Variants in ZHX1 observed in about 807,000 individuals in gnomAD.
ZHX1 encodes zinc fingers and homeoboxes protein 1.
Under a neutral mutation model 61.8 loss-of-function variants are expected in ZHX1, and 20 were observed. That is an observed-to-expected ratio of 0.32 (90% confidence interval 0.23 to 0.47). The LOEUF is 0.47. ZHX1 is among the 20% of genes least tolerant of loss of function. The probability of loss-of-function intolerance (pLI) is 1.00; values close to 1 mark genes in which losing one functional copy is unlikely to be tolerated. For missense variants in ZHX1, 800 were observed against 1,034.8 expected (o/e 0.77, Z 3.11); for synonymous variants, 318 against 352.6 (o/e 0.90, Z 1.10).
Position 123,255,631 on chromosome 8 carries a change from C to G in ZHX1, c.316G>C (p.Glu106Gln), listed in dbSNP as rs376750048. 2.5e-6 allele frequency: 4 copies of G among 1,613,428 alleles called. No individual in the cohort carries two copies. The African/African-American group carries it at 4.0e-5, about 16-fold the overall frequency. The change falls in exon 3 of 4, where the codon GAA becomes CAA. Residue 106 changes from glutamate (E) to glutamine (Q), a missense_variant. Physicochemically the swap from Glu to Gln is conservative, Grantham distance 29. Transcript: ENST00000395571. The stretch of plus-strand genomic sequence containing the variant: ...TACCTTTTGGTAAGAAAATTGCATT[C>G]GACACAAACATAGGATGAATTTAGC... ...VVLNSSYVCV[E>Q]CNFLTKRYDA...
At chr8:123,274,577 G>A (rs1287084247), upstream of ZHX1, 1 of 152,320 alleles carries the variant, frequency 6.6e-6, no homozygotes, top group East Asian at 1.9e-4. Context: ...CCTAGTCCGG[G>A]GATTGGCGCA....
chr8:123,255,872 T>C lies in ZHX1; in HGVS notation c.75A>G (p.Ile25Met). Residue 25 changes from isoleucine to methionine, a missense_variant, in exon 3 of 4, where the codon ATA (isoleucine) becomes ATG (methionine). Transcript: ENST00000395571. Reference protein sequence around the residue: ...ASEQDPDLELISDLDEGPPVL... With the variant: ...ASEQDPDLELMSDLDEGPPVL... ...CAGGAGGACCTTCATCCAAATCTGA[T>C]ATCAACTCAAGGTCTGGATCTTGTT... 2 of 1,614,214 alleles carry C rather than the reference T, an allele frequency of 1.2e-6. No individual in the cohort carries two copies. The highest frequency in any genetic ancestry group is 1.7e-6 in the Non-Finnish European group (2 of 1,180,020).
At chr8:123,251,837 T>C (rs572999361) in intron 3 of ZHX1, among the ~76,000 whole-genome samples, 1 of 152,292 alleles carries the variant, frequency 6.6e-6, no homozygotes, top group East Asian at 1.9e-4. Flanking sequence ...ATGATATTTA[T>C]ACTGCTTATT....
chr8:123,260,337 G>A (rs1216342312), intron 2 of ZHX1, among the ~76,000 whole-genome samples: 1 of 152,020 alleles, frequency 6.6e-6, no homozygotes, highest in African/African-American at 2.4e-5. Flanking sequence ...GGCTGGGTGC[G>A]CCTGTAATCC....
At chr8:123,258,091 T>G (rs1563811125) in intron 2 of ZHX1, among the ~76,000 whole-genome samples, 1 of 152,206 alleles carries the variant, frequency 6.6e-6, no homozygotes, top group African/African-American at 2.4e-5. Context: ...ATCCCCAATC[T>G]TGGAGGCAGA....
intron 2 of ZHX1, chr8:123,263,088 TAA>T (rs201024638): frequency 7.9e-4 from 50 of 62,948 alleles, no homozygotes; most frequent in Admixed American, 1.0e-3. Flanking sequence ...AATATCAAAG[TAA>T]AAAAAAAAAA....
intron 2 of ZHX1, among the ~76,000 whole-genome samples, chr8:123,260,888 G>A (rs551512961): frequency 6.6e-6 from 1 of 151,640 alleles, no homozygotes; most frequent in African/African-American, 2.4e-5. Flanking sequence ...TGGGCATGGT[G>A]GTGGGCGCCT....
rs1826062204 is a variant in ZHX1 at position 123,256,045 on chromosome 8, A to G, written c.-99T>C. 8.4e-7 allele frequency: 1 copy of G among 1,197,428 alleles called. No individual in the cohort carries two copies. The highest frequency in any genetic ancestry group is 1.2e-6 in the Non-Finnish European group (1 of 868,382). 74.2% of individuals were successfully genotyped at this position (1,197,428 alleles called of 1,614,324 possible). ...TGAAAACAATGGCTTTTGGTTCTTC[A>G]AGTCCATTTTTGTGCTCAACAAGTC... On this transcript the variant is annotated 5_prime_UTR_variant, in exon 3 of 4. Coordinates refer to ENST00000395571, the MANE Select transcript of ZHX1 (RefSeq NM_007222.5).
chr8:123,253,560 T>C lies in ZHX1; in HGVS notation c.2387A>G (p.Asn796Ser), dbSNP rs771624511. Residue 796 changes from asparagine (N) to serine (S), a missense_variant, in exon 3 of 4, where the codon AAT (asparagine) becomes AGT (serine). Transcript: ENST00000395571. ...AACAAGTTCATCAAGGTCTTGCTCATTAAGAAACTTGTGCTTCAGGTAATA... is the reference window on the plus strand; with the variant it reads ...AACAAGTTCATCAAGGTCTTGCTCACTAAGAAACTTGTGCTTCAGGTAATA... ...KDYYLKHKFLNEQDLDELVNK... is the reference protein window; with the variant it reads ...KDYYLKHKFLSEQDLDELVNK... 1 of 1,614,218 alleles carries C rather than the reference T, an allele frequency of 6.2e-7. No individual in the cohort carries two copies. Among genetic ancestry groups the C allele is most frequent in the Non-Finnish European group, 8.5e-7 (1 of 1,180,020 alleles).
chr8:123,270,708 C>T (rs1363720860), intron 1 of ZHX1, among the ~76,000 whole-genome samples: 1 of 149,346 alleles, frequency 6.7e-6, no homozygotes, highest in Admixed American at 6.7e-5. Context: ...ATCGCTTGAG[C>T]ACAGGAGTTT....
At chr8:123,260,090 G>A (rs1240237116) in intron 2 of ZHX1, among the ~76,000 whole-genome samples, 2 of 151,980 alleles carry the variant, frequency 1.3e-5, no homozygotes, top group Non-Finnish European at 2.9e-5. Context: ...CTCGGGAGGT[G>A]GAGGTTGCAG....
Position 123,253,534 on chromosome 8 carries a change from T to G in ZHX1, c.2413A>C (p.Asn805His). 1 of 1,614,220 alleles carries G rather than the reference T, an allele frequency of 6.2e-7. No individual in the cohort carries two copies. Among genetic ancestry groups the G allele is most frequent in the South Asian group, 1.1e-5 (1 of 91,086 alleles). Reference protein sequence around the residue: ...LNEQDLDELVNKSHMGYEQVR... With the variant: ...LNEQDLDELVHKSHMGYEQVR... The stretch of plus-strand genomic sequence containing the variant: ...TGCTCATAGCCCATATGTGATTTGT[T>G]AACAAGTTCATCAAGGTCTTGCTCA... The change falls in exon 3 of 4, where the codon AAC becomes CAC. Residue 805 changes from asparagine to histidine, a missense_variant. Transcript: ENST00000395571.
At chr8:123,275,098 C>T (rs71514801), upstream of ZHX1, among the ~76,000 whole-genome samples, 7 of 152,250 alleles carry the variant, frequency 4.6e-5, no homozygotes, top group Non-Finnish European at 1.5e-5. Context: ...GAGCCGCCCT[C>T]TGCCCCTCAG....
In ZHX1 at chr8:123,254,902, C is replaced by CT. The variant is rs753466302; in HGVS notation, c.1044dup (p.Glu349ArgfsTer31). The stretch of plus-strand genomic sequence containing the variant: ...TTGAATTGTTTCCTTCTTGCCTCCT[C>CT]TACTTCCTCGGGAGTCCAACTAACA... On this transcript the variant is annotated frameshift_variant, in exon 3 of 4. Coordinates refer to ENST00000395571, the MANE Select transcript of ZHX1 (RefSeq NM_007222.5). LOFTEE classifies it high-confidence loss of function. The surrounding 1 kb of genome is among the most constrained non-coding windows in gnomAD (Gnocchi z 4.1). 6.2e-7 allele frequency: 1 copy of CT among 1,614,220 alleles called. No individual in the cohort carries two copies. The highest frequency in any genetic ancestry group is 1.7e-5 in the Admixed American group (1 of 60,032).
upstream of ZHX1, among the ~76,000 whole-genome samples, chr8:123,275,169 C>T (rs1399473380): frequency 1.3e-5 from 2 of 152,266 alleles, no homozygotes; most frequent in Non-Finnish European, 2.9e-5. Context: ...GAGTCGAGGG[C>T]TTCACATCCC....
chr8:123,253,251 C>G lies in ZHX1; in HGVS notation c.*3+71G>C, dbSNP rs1314174428. The G allele has an allele frequency of 7.7e-6, 10 of 1,299,310 alleles. No homozygotes were observed. The East Asian group carries it at 1.9e-4, about 24-fold the overall frequency. 80.5% of individuals were successfully genotyped at this position (1,299,310 alleles called of 1,614,324 possible). A position where few individuals can be genotyped will look rare whatever the true frequency, so the allele number is the denominator to read the frequency against. On this transcript the variant is annotated intron_variant, in intron 3 of 3. Transcript: ENST00000395571. ...ATATCAAAAATGAAGATGACTGATA[C>G]AACAAGGTGACTGTTCAAAATGTAT...
Position 123,253,680 on chromosome 8 carries a change from G to A in ZHX1, c.2267C>T (p.Pro756Leu), listed in dbSNP as rs781770196. 8.1e-6 allele frequency: 13 copies of A among 1,614,058 alleles called. No homozygotes were observed. Among genetic ancestry groups the A allele is most frequent in the South Asian group, 1.1e-5 (1 of 91,088 alleles). Reference sequence around the variant, plus strand: ...TTTGCTTCCTCTAGGCCGCCCACGCGGTCTTCCTCTTCCCCGTCCTTTGGG... The same window carrying A: ...TTTGCTTCCTCTAGGCCGCCCACGCAGTCTTCCTCTTCCCCGTCCTTTGGG... ...GRPKGRGRGR[P>L]RGRPRGSKRI... Residue 756 changes from proline (P) to leucine (L), a missense_variant, in exon 3 of 4, where the codon CCG becomes CTG. By Grantham distance (98) the Pro-to-Leu change is moderately conservative. Transcript: ENST00000395571.
Position 123,255,878 on chromosome 8 carries a change from C to G in ZHX1, c.69G>C (p.Glu23Asp). Residue 23 changes from glutamate to aspartate, a missense_variant, in exon 3 of 4, where the codon GAG becomes GAC. By Grantham distance (45) the Glu-to-Asp change is conservative. Coordinates refer to ENST00000395571, the MANE Select transcript of ZHX1 (RefSeq NM_007222.5). ...GACCTTCATCCAAATCTGATATCAA[C>G]TCAAGGTCTGGATCTTGTTCACTGG... ...VLASEQDPDL[E>D]LISDLDEGPP... 1 of 1,614,130 alleles carries G rather than the reference C, an allele frequency of 6.2e-7. No homozygotes were observed. The highest frequency in any genetic ancestry group is 2.2e-5 in the East Asian group (1 of 44,888).
At position 123,254,053 on chromosome 8, in the gene ZHX1, T is replaced by C. The variant is rs1324469244; in HGVS notation, c.1894A>G (p.Ile632Val). 1.2e-6 allele frequency: 2 copies of C among 1,613,982 alleles called. No individual in the cohort carries two copies. The highest frequency in any genetic ancestry group is 1.7e-6 in the Non-Finnish European group (2 of 1,180,034). Residue 632 changes from isoleucine to valine, a missense_variant, in exon 3 of 4, where the codon ATA becomes GTA. Ile to Val is a conservative substitution (Grantham distance 29). Transcript: ENST00000395571. The surrounding 1 kb of genome is among the most constrained non-coding windows in gnomAD (Gnocchi z 4.1). ...SKALKEEKME[I>V]DESNAGSSKE... ...GAACTACCTGCATTACTTTCATCTA[T>C]TTCCATTTTCTCTTCCTTTAAAGCT...
Sources: gnomAD v4.1 joint callset for allele counts (sites outside exome capture counted in the v4.1 genomes callset) on GRCh38, gnomAD v4.1.1 for gene constraint, Gnocchi (gnomAD v3.1) non-coding constraint, MANE v1.5 for transcripts, NCBI Gene and HGNC (gene_info 2026-07-23, HGNC 2026-07-21) for gene names.